PHKA2: variants seen among roughly 807,000 people sequenced by gnomAD.
PHKA2 encodes the protein phosphorylase kinase regulatory subunit alpha 2.
In PHKA2, 31 loss-of-function variants were observed where a neutral mutation model predicts 102.0. The ratio of observed to expected loss-of-function variants is 0.30; its 90% CI spans 0.23 to 0.41. The LOEUF (loss-of-function observed/expected upper bound fraction) is 0.41. Among genes scored for constraint, PHKA2 ranks in the 10% least tolerant of loss-of-function variants. The probability of loss-of-function intolerance (pLI) is 1.00; values close to 1 mark genes in which losing one functional copy is unlikely to be tolerated. For missense variants in PHKA2, 858 were observed against 1,023.1 expected, an observed-to-expected ratio of 0.84 and a Z score of 2.20; for synonymous variants, 455 against 416.2, an observed-to-expected ratio of 1.09 and a Z score of -1.13.
chrX:18,902,015 G>T (rs768968519), intron 26 of PHKA2, among the ~76,000 whole-genome samples: 2 of 110,493 alleles, frequency 1.8e-5, no homozygotes, highest in South Asian at 3.9e-4. Flanking sequence ...GCTAATTTTT[G>T]TATTTTTAGT....
intron 5 of PHKA2, among the ~76,000 whole-genome samples, chrX:18,946,073 G>A (rs758580515): frequency 3.6e-5 from 4 of 109,670 alleles, no homozygotes; most frequent in South Asian, 4.0e-4. Context: ...GATTACAGGC[G>A]CACACCACCA....
intron 1 of PHKA2, among the ~76,000 whole-genome samples, chrX:18,962,726 T>C (rs745893692): frequency 8.9e-6 from 1 of 112,401 alleles, no homozygotes; most frequent in African/African-American, 3.2e-5. Context: ...CTACCAACAG[T>C]GTGAGTACCA....
At chrX:18,968,562 A>G (rs2048976609) in intron 1 of PHKA2, among the ~76,000 whole-genome samples, 1 of 111,392 alleles carries the variant, frequency 9.0e-6, no homozygotes, top group Non-Finnish European at 1.9e-5. Flanking sequence ...ATGTACTCTG[A>G]CGTTTTAAAA....
rs1347055929 is a variant in PHKA2, at chrX:18,907,929, G to C, written c.2488C>G (p.Leu830Val). The C allele has an allele frequency of 8.3e-7, 1 of 1,209,671 alleles. No individual in the cohort carries two copies. The highest frequency in any genetic ancestry group is 1.1e-6 in the Non-Finnish European group (1 of 895,037). The change falls in exon 22 of 33, where the codon CTC becomes GTC. Residue 830 changes from leucine to valine, a missense_variant. This residue lies in a region of PHKA2 where 671 missense variants were observed against 745.2 expected (regional missense o/e 0.90). Coordinates refer to ENST00000379942, the MANE Select transcript of PHKA2 (RefSeq NM_000292.3). ...GCCAGGACCTCCACTTTCTTCCTGA[G>C]AAGGCCTGAGATGTAGCGAATCAGA... is the stretch of plus-strand genomic sequence containing the variant. ...WGLIRYISGL[L>V]RKKVEVLAEA...
intron 12 of PHKA2, 129 bp from the exon 13 acceptor site, chrX:18,929,435 C>A: frequency 1.9e-6 from 1 of 516,021 alleles, no homozygotes; most frequent in South Asian, 2.8e-5. Context: ...TTTTTCGAGT[C>A]AATTGCTTAT....
chrX:18,898,401 A>G (rs1438068320), intron 29 of PHKA2, among the ~76,000 whole-genome samples: 1 of 113,046 alleles, frequency 8.8e-6, no homozygotes, highest in African/African-American at 3.2e-5. Context: ...TCTAGCTTCG[A>G]GACCTCCAGG....
intron 12 of PHKA2, 68 bp downstream of exon 12, chrX:18,931,573 T>C: frequency 1.3e-6 from 1 of 756,263 alleles, no homozygotes; most frequent in South Asian, 2.1e-5. Flanking sequence ...AGAGTCCCTA[T>C]GCCCTTCTGG....
intron 7 of PHKA2, among the ~76,000 whole-genome samples, chrX:18,942,652 G>T: frequency 9.1e-6 from 1 of 110,198 alleles, no homozygotes; most frequent in East Asian, 2.8e-4. Context: ...AGAACAGCCT[G>T]GGCAACAGAG....
chrX:18,925,193 G>C (rs2048190270), intron 15 of PHKA2, among the ~76,000 whole-genome samples: 1 of 112,467 alleles, frequency 8.9e-6, no homozygotes, highest in Non-Finnish European at 1.9e-5. Context: ...CTTTCTAGCT[G>C]CCCAAATGGG....
intron 1 of PHKA2, among the ~76,000 whole-genome samples, chrX:18,959,179 G>A (rs1352560918): frequency 2.7e-5 from 3 of 111,983 alleles, no homozygotes; most frequent in African/African-American, 9.7e-5. Flanking sequence ...TGTCAGATGG[G>A]GATTATAACA....
chrX:18,931,873 T>C (rs999605853), intron 11 of PHKA2, 125 bp from the exon 12 acceptor site: 10 of 570,052 alleles, frequency 1.8e-5, no homozygotes, highest in African/African-American at 1.1e-4. Context: ...TCTGTGCAGG[T>C]GCCAGGAGGC....
chrX:18,920,652 G>T (rs1385536410), intron 17 of PHKA2, among the ~76,000 whole-genome samples: 3 of 111,937 alleles, frequency 2.7e-5, no homozygotes, highest in South Asian at 7.4e-4. Flanking sequence ...AGGGACAGGG[G>T]TGCTATGATG....
intron 11 of PHKA2, 46 bp from the exon 12 acceptor site, chrX:18,931,794 T>C (rs1463333455): frequency 1.2e-6 from 1 of 862,248 alleles, no homozygotes; most frequent in Non-Finnish European, 1.7e-6. Flanking sequence ...GAGGATAAAA[T>C]GGCCATGATA....
chrX:18,901,581 T>A lies in PHKA2; in HGVS notation c.2931A>T (p.Thr977=), dbSNP rs779938800. The change falls in exon 27 of 33, where the codon ACA becomes ACT. Residue 977 remains threonine, a synonymous_variant. Transcript: ENST00000379942. ...ERSVRPIHSS[T]SSPTISIHEV... is the part of the protein sequence containing the mutation. Reference sequence around the variant, plus strand: ...CGTGGATGGAGATGGTAGGGCTGGATGTGGAGGAGTGGATAGGGCGCACTG... The same window carrying A: ...CGTGGATGGAGATGGTAGGGCTGGAAGTGGAGGAGTGGATAGGGCGCACTG... 8.4e-7 allele frequency: 1 copy of A among 1,195,540 alleles called. No individual in the cohort carries two copies. Among genetic ancestry groups the A allele is most frequent in the African/African-American group, 1.8e-5 (1 of 55,936 alleles).
intron 28 of PHKA2, among the ~76,000 whole-genome samples, chrX:18,899,810 C>T (rs1488291912): frequency 8.9e-6 from 1 of 111,974 alleles, no homozygotes; most frequent in Non-Finnish European, 1.9e-5. Flanking sequence ...ATTGAAAATA[C>T]CATAACACCT....
chrX:18,931,868 G>A (rs890557168), intron 11 of PHKA2, 120 bp from the exon 12 acceptor site: 1 of 577,922 alleles, frequency 1.7e-6, no homozygotes, highest in Non-Finnish European at 3.0e-6. Flanking sequence ...CCAATTCTGT[G>A]CAGGTGCCAG....
At chrX:18,929,062 T>C (rs182703014) in intron 13 of PHKA2, among the ~76,000 whole-genome samples, 166 bp downstream of exon 13, 62 of 112,912 alleles carry the variant, frequency 5.5e-4, no homozygotes, top group African/African-American at 1.8e-3. Flanking sequence ...TTCTGTTGCC[T>C]TTGGAAGCCA....
At chrX:18,955,526 G>T (rs767093903) in intron 1 of PHKA2, among the ~76,000 whole-genome samples, 143 of 111,300 alleles carry the variant, frequency 1.3e-3, no homozygotes, top group Non-Finnish European at 2.3e-3. Context: ...TTTTTTAAAA[G>T]CCAGTCCTAA....
chrX:18,963,776 T>G (rs2148014834), intron 1 of PHKA2, among the ~76,000 whole-genome samples: 1 of 111,981 alleles, frequency 8.9e-6, no homozygotes, highest in African/African-American at 3.2e-5. Flanking sequence ...TACTTATATC[T>G]AACAGTTTGC....
Sources: allele counts gnomAD v4.1 joint callset (sites outside exome capture counted in the v4.1 genomes callset), GRCh38; gene constraint gnomAD v4.1.1; regional missense constraint gnomAD v4.1.1; transcripts MANE v1.5; gene names NCBI Gene and HGNC (gene_info 2026-07-23, HGNC 2026-07-21).